Variants in SDK1 observed in about 807,000 individuals in gnomAD.
SDK1 encodes protein sidekick-1.
A neutral mutation model predicts 245.5 loss-of-function variants in SDK1; 157 were observed. That is an observed-to-expected ratio of 0.64 (90% CI 0.56 to 0.73). The LOEUF (loss-of-function observed/expected upper bound fraction) is 0.73. Ranked by LOEUF, SDK1 falls within the 30% of genes least tolerant of loss-of-function variation. The pLI is 0.00. For synonymous variants in SDK1, 1,647 were observed against 1,278.5 expected (o/e 1.29, Z -6.15); for missense variants, 3,583 against 3,002.3 (o/e 1.19, Z -4.52).
chr7:3,430,736 G>C (rs570169019), intron 1 of SDK1, among the ~76,000 whole-genome samples: 1 of 152,296 alleles, frequency 6.6e-6, no homozygotes, highest in South Asian at 2.1e-4. Flanking sequence ...TCTATCTCTA[G>C]TAGGAATGTC....
chr7:4,242,034 A>C, intron 43 of SDK1, 121 bp downstream of exon 43: 5 of 1,216,864 alleles, frequency 4.1e-6, no homozygotes, highest in Non-Finnish European at 4.5e-6. Context: ...GCAAAACCCA[A>C]CCCACCGCCA....
At chr7:3,841,372 G>GTA (rs1780153021) in intron 5 of SDK1, among the ~76,000 whole-genome samples, 3 of 152,120 alleles carry the variant, frequency 2.0e-5, no homozygotes, top group African/African-American at 7.2e-5. Flanking sequence ...TGCAAGCCCC[G>GTA]TTGCAGAGTT....
At chr7:3,413,316 A>G (rs765581766) in intron 1 of SDK1, among the ~76,000 whole-genome samples, 2 of 152,218 alleles carry the variant, frequency 1.3e-5, no homozygotes, top group Non-Finnish European at 2.9e-5. Flanking sequence ...AAAGAGGGGC[A>G]GGGGTCAGAC....
intron 4 of SDK1, among the ~76,000 whole-genome samples, chr7:3,685,499 C>G (rs919243627): frequency 6.6e-6 from 1 of 152,002 alleles, no homozygotes; most frequent in African/African-American, 2.4e-5. Context: ...AATAAAAACC[C>G]GGACTTTAGA....
At chr7:3,639,197 A>G in intron 3 of SDK1, 87 bp downstream of exon 3, 1 of 655,118 alleles carries the variant, frequency 1.5e-6, no homozygotes, top group Non-Finnish European at 2.6e-6. Flanking sequence ...CCATTGTAGG[A>G]ACTGAGAGTT....
chr7:3,930,724 C>T (rs1255127322), intron 5 of SDK1, among the ~76,000 whole-genome samples: 1 of 152,040 alleles, frequency 6.6e-6, no homozygotes, highest in Non-Finnish European at 1.5e-5. Context: ...AACTGGGAGG[C>T]GGAGGTTGCA....
intron 35 of SDK1, among the ~76,000 whole-genome samples, chr7:4,192,354 C>A (rs999695859): frequency 2.6e-5 from 4 of 152,226 alleles, no homozygotes; most frequent in African/African-American, 9.6e-5. Context: ...TGGCTCACTG[C>A]AAGCTCCGCC....
At chr7:3,631,039 C>T (rs964414333) in intron 2 of SDK1, among the ~76,000 whole-genome samples, 1 of 152,004 alleles carries the variant, frequency 6.6e-6, no homozygotes, top group Non-Finnish European at 1.5e-5. Flanking sequence ...CTCAAGTGAT[C>T]CCCCCATCTC....
chr7:3,674,043 G>A (rs1783808657), intron 4 of SDK1, among the ~76,000 whole-genome samples: 1 of 152,102 alleles, frequency 6.6e-6, no homozygotes, highest in Non-Finnish European at 1.5e-5. Flanking sequence ...TTTAAGTCTT[G>A]AAGTCCATTA....
chr7:4,183,054 A>G (rs1191003828), intron 35 of SDK1, among the ~76,000 whole-genome samples: 3 of 152,088 alleles, frequency 2.0e-5, no homozygotes, highest in African/African-American at 4.8e-5. Flanking sequence ...CGTGGGGGCT[A>G]GGGAGTGGGT....
intron 5 of SDK1, among the ~76,000 whole-genome samples, chr7:3,909,017 G>C (rs1208130507): frequency 6.6e-6 from 1 of 152,136 alleles, no homozygotes; most frequent in East Asian, 1.9e-4. Context: ...AGTGAGCCAG[G>C]GTGGGAGGAG....
chr7:3,745,104 A>G (rs995870328), intron 4 of SDK1, among the ~76,000 whole-genome samples: 6 of 152,160 alleles, frequency 3.9e-5, no homozygotes, highest in Non-Finnish European at 8.8e-5. Context: ...GCCATTGCTG[A>G]ATTTAATCTT....
intron 1 of SDK1, among the ~76,000 whole-genome samples, chr7:3,534,885 C>T (rs1278781727): frequency 2.6e-5 from 4 of 152,278 alleles, no homozygotes; most frequent in African/African-American, 4.8e-5. Flanking sequence ...TTATCAGCCA[C>T]GTGTACATGT....
chr7:3,638,687 TGAC>T (rs1448239130), intron 2 of SDK1, among the ~76,000 whole-genome samples: 1 of 148,484 alleles, frequency 6.7e-6, no homozygotes, highest in Non-Finnish European at 1.5e-5. Context: ...TAATGCTAAA[TGAC>T]GAGTTAATGG....
chr7:3,761,950 A>G (rs1420195718), intron 4 of SDK1, among the ~76,000 whole-genome samples: 1 of 152,210 alleles, frequency 6.6e-6, no homozygotes, highest in Admixed American at 6.5e-5. Flanking sequence ...TATTGTTTCC[A>G]TATGACAAGC....
rs190692876 is a variant in SDK1, at chr7:4,197,633, C to T, written c.5099-8246C>T. On this transcript the variant is annotated intron_variant, in intron 35 of 44. Transcript: ENST00000404826. ...GCTTCTGTGATGGTGTACAGGGGAG[C>T]GGAATGCCTGGTGCTGGCGTCAGGC... Among the ~76,000 whole-genome samples, 4 of 152,328 alleles carry T rather than the reference C, an allele frequency of 2.6e-5. No individual in the cohort carries two copies. The East Asian group carries it at 7.7e-4, about 29-fold the overall frequency.
intron 28 of SDK1, among the ~76,000 whole-genome samples, chr7:4,140,446 T>G (rs778408049): frequency 6.6e-6 from 1 of 152,190 alleles, no homozygotes; most frequent in Non-Finnish European, 1.5e-5. Context: ...TGTTTCTTGA[T>G]GTTTTGCAGT....
intron 1 of SDK1, among the ~76,000 whole-genome samples, chr7:3,519,671 C>A (rs981508986): frequency 5.3e-5 from 8 of 152,224 alleles, no homozygotes; most frequent in Non-Finnish European, 1.0e-4. Flanking sequence ...GTCTCTGTTA[C>A]ATCCAGAGAT....
chr7:4,048,923 A>G (rs6462562), intron 17 of SDK1, among the ~76,000 whole-genome samples: 36,895 of 151,584 alleles, frequency 0.24, 6,366 homozygotes, highest in African/African-American at 0.5. Context: ...CTTGTTCCCC[A>G]CCCCCCGCCT....
Sources: allele counts gnomAD v4.1 joint callset (sites outside exome capture counted in the v4.1 genomes callset), GRCh38; gene constraint gnomAD v4.1.1; transcripts MANE v1.5; gene names NCBI Gene and HGNC (gene_info 2026-07-23, HGNC 2026-07-21).